KDM5A: variants seen among roughly 807,000 people sequenced by gnomAD.
The protein encoded by KDM5A is lysine demethylase 5A, also known as lysine-specific demethylase 5A.
A neutral mutation model predicts 193.5 loss-of-function variants in KDM5A; 42 were observed. The ratio of observed to expected loss-of-function variants is 0.22; its 90% CI spans 0.17 to 0.28. The LOEUF (loss-of-function observed/expected upper bound fraction) is 0.28. Among genes scored for constraint, KDM5A ranks in the 10% least tolerant of loss-of-function variants. KDM5A has a pLI of 1.00. For synonymous variants in KDM5A, 796 were observed against 718.1 expected, an observed-to-expected ratio of 1.11 and a Z score of -1.73; for missense variants, 1,692 against 2,055.1, an observed-to-expected ratio of 0.82 and a Z score of 3.42.
At chr12:339,092 C>T (rs757566862) in intron 10 of KDM5A, among the ~76,000 whole-genome samples, 15 of 151,270 alleles carry the variant, frequency 9.9e-5, no homozygotes, top group South Asian at 6.3e-4. Context: ...GCAGGAGAAA[C>T]GCCTGAACCC....
chr12:344,346 G>C (rs1394861821), intron 10 of KDM5A, among the ~76,000 whole-genome samples: 3 of 152,122 alleles, frequency 2.0e-5, no homozygotes, highest in East Asian at 1.9e-4. Context: ...CACTCTTCAG[G>C]ATATTATCCA....
chr12:355,371 T>C lies in KDM5A; in HGVS notation c.779-122A>G, dbSNP rs573080199. The C allele has an allele frequency of 3.4e-4, 234 of 691,318 alleles. 2 individuals are homozygous for C. The South Asian group carries it at 3.5e-3, about 10-fold the overall frequency. 42.8% of individuals were successfully genotyped at this position (691,318 alleles called of 1,614,324 possible). A position where few individuals can be genotyped will look rare whatever the true frequency, so the allele number is the denominator to read the frequency against. Reference sequence around the variant, plus strand: ...TTACAACTGTTTATCTAGAGGTAGATATACTATTTATTATCTCTCACTGAA... The same window carrying C: ...TTACAACTGTTTATCTAGAGGTAGACATACTATTTATTATCTCTCACTGAA... On this transcript the variant is annotated intron_variant, in intron 6 of 27. Transcript: ENST00000399788.
At position 292,929 on chromosome 12, in the gene KDM5A, C is replaced by T. The variant is rs2137365238; in HGVS notation, c.4696G>A (p.Glu1566Lys). 3 of 1,604,434 alleles carry T rather than the reference C, an allele frequency of 1.9e-6. No homozygotes were observed. The highest frequency in any genetic ancestry group is 2.6e-6 in the Non-Finnish European group (3 of 1,171,634). The change falls in exon 27 of 28, where the codon GAG becomes AAG. Residue 1566 changes from glutamate (E) to lysine (K), a missense_variant. Transcript: ENST00000399788. ...TCAACTTTGGCTGCAGCAGCCTTCTCCTTCTTTTTCTTTCTCTCTTCTTCT... is the reference window on the plus strand; with the variant it reads ...TCAACTTTGGCTGCAGCAGCCTTCTTCTTCTTTTTCTTTCTCTCTTCTTCT... ...AKEEERKKKK[E>K]KAAAAKVELV...
At chr12:358,281 T>C (rs1387299909) in intron 5 of KDM5A, among the ~76,000 whole-genome samples, 11 of 152,184 alleles carry the variant, frequency 7.2e-5, no homozygotes, top group Admixed American at 7.2e-4. Context: ...ACAGACTACT[T>C]TATAAGTCTG....
chr12:296,813 C>T (rs1290790435), intron 25 of KDM5A, among the ~76,000 whole-genome samples: 1 of 152,174 alleles, frequency 6.6e-6, no homozygotes, highest in Non-Finnish European at 1.5e-5. Flanking sequence ...CCCTCAAGTT[C>T]TTCTAATTAG....
chr12:376,480 C>G (rs1944505798), intron 3 of KDM5A, among the ~76,000 whole-genome samples: 1 of 152,248 alleles, frequency 6.6e-6, no homozygotes, highest in Non-Finnish European at 1.5e-5. Context: ...CCATCTGTCA[C>G]AGCTTCCCTT....
Position 388,991 on chromosome 12 carries a change from C to T in KDM5A, c.101G>A (p.Ser34Asn). ...CAAAGGCCGGATGCGGCCGATAAAG[C>T]TGAGCGGATCTGTGAACTCCTCCCA... Reference protein sequence around the residue: ...PSWEEFTDPLSFIGRIRPLAE... With the variant: ...PSWEEFTDPLNFIGRIRPLAE... The change falls in exon 1 of 28, where the codon AGC becomes AAC. Residue 34 changes from serine (S) to asparagine (N), a missense_variant. This residue lies in a region of KDM5A where 84 missense variants were observed against 68.2 expected (regional missense o/e 1.23). Transcript: ENST00000399788. 6.2e-7 allele frequency: 1 copy of T among 1,614,042 alleles called. No individual in the cohort carries two copies. Among genetic ancestry groups the T allele is most frequent in the Non-Finnish European group, 8.5e-7 (1 of 1,180,006 alleles).
intron 27 of KDM5A, among the ~76,000 whole-genome samples, chr12:286,644 A>G (rs1009039372): frequency 2.0e-5 from 3 of 152,198 alleles, no homozygotes; most frequent in African/African-American, 4.8e-5. Context: ...GGATCCAAGA[A>G]GTACCTCTAT....
At chr12:315,643 A>AG (rs1943642678) in intron 19 of KDM5A, among the ~76,000 whole-genome samples, 1 of 152,212 alleles carries the variant, frequency 6.6e-6, no homozygotes, top group South Asian at 2.1e-4. Context: ...CTTAAAAAAA[A>AG]AAAATGAAAG....
intron 17 of KDM5A, among the ~76,000 whole-genome samples, chr12:321,583 TA>T (rs2137408340): frequency 6.6e-6 from 1 of 152,306 alleles, no homozygotes; most frequent in African/African-American, 2.4e-5. Context: ...TCAATGTCTC[TA>T]AGAAAAGTTA....
intron 18 of KDM5A, among the ~76,000 whole-genome samples, chr12:319,360 T>C (rs965534567): frequency 1.3e-5 from 2 of 152,196 alleles, no homozygotes; most frequent in Non-Finnish European, 2.9e-5. Flanking sequence ...AATAAACGGT[T>C]TGCTTTGGGA....
intron 3 of KDM5A, among the ~76,000 whole-genome samples, chr12:367,254 TA>T (rs957441024): frequency 1.3e-5 from 2 of 151,360 alleles, no homozygotes; most frequent in Non-Finnish European, 2.9e-5. Flanking sequence ...TCTTACTACA[TA>T]AAAAAAAAGT....
chr12:315,869 G>A (rs57580513), intron 19 of KDM5A, among the ~76,000 whole-genome samples: 10,801 of 152,202 alleles, frequency 0.071, 857 homozygotes, highest in East Asian at 0.35. Flanking sequence ...TGGGACATCC[G>A]CCTGGAATCT....
intron 20 of KDM5A, among the ~76,000 whole-genome samples, chr12:311,891 A>G (rs951885686): frequency 6.6e-6 from 1 of 152,118 alleles, no homozygotes; most frequent in Non-Finnish European, 1.5e-5. Flanking sequence ...AAAATTAGCT[A>G]GGCGTGCTGG....
chr12:388,870 A>G, intron 1 of KDM5A, 57 bp downstream of exon 1: 1 of 1,560,958 alleles, frequency 6.4e-7, no homozygotes, highest in Middle Eastern at 1.7e-4. Flanking sequence ...AGCTAAACCC[A>G]GTGTACGGAC....
At chr12:321,316 G>C (rs989739973) in intron 17 of KDM5A, among the ~76,000 whole-genome samples, 2 of 152,126 alleles carry the variant, frequency 1.3e-5, no homozygotes, top group African/African-American at 4.8e-5. Flanking sequence ...CAGTTCCTTC[G>C]ATCTACAAGT....
intron 24 of KDM5A, among the ~76,000 whole-genome samples, chr12:301,447 T>A (rs1261570655): frequency 6.6e-6 from 1 of 152,202 alleles, no homozygotes; most frequent in African/African-American, 2.4e-5. Flanking sequence ...ATTATCTCGA[T>A]AGATGCAGAA....
intron 3 of KDM5A, among the ~76,000 whole-genome samples, chr12:373,317 T>C (rs1944456546): frequency 6.6e-6 from 1 of 152,236 alleles, no homozygotes; most frequent in African/African-American, 2.4e-5. Context: ...TGGTTTAGTC[T>C]TGGGAGGGTG....
chr12:293,283 A>T, intron 26 of KDM5A, 114 bp from the exon 27 acceptor site: 1 of 822,596 alleles, frequency 1.2e-6, no homozygotes. Flanking sequence ...AAAGTCGAAC[A>T]GAGGTTACCA....
Sources: gnomAD v4.1 joint callset for allele counts (sites outside exome capture counted in the v4.1 genomes callset) on GRCh38, gnomAD v4.1.1 for gene constraint, gnomAD v4.1.1 regional missense constraint, MANE v1.5 for transcripts, NCBI Gene and HGNC (gene_info 2026-07-23, HGNC 2026-07-21) for gene names.